DENND4A: variants seen among roughly 807,000 people sequenced by gnomAD.
The protein encoded by DENND4A is DENN domain containing 4A.
DENND4A carries 70 observed loss-of-function variants against 199.3 expected under a neutral mutation model. The observed-to-expected ratio is 0.35, with a 90% CI of 0.29 to 0.43. The LOEUF (loss-of-function observed/expected upper bound fraction) is 0.43, where lower values mean the gene tolerates loss of function less well. Among genes scored for constraint, DENND4A ranks in the 20% least tolerant of loss-of-function variants. DENND4A has a pLI of 1.00. For synonymous variants in DENND4A, 686 were observed against 766.9 expected (o/e 0.89, Z 1.74); for missense variants, 1,723 against 2,255.8 (o/e 0.76, Z 4.78).
chr15:65,704,530 G>A lies in DENND4A; in HGVS notation c.2088-1522C>T, dbSNP rs1280182051. ...TGGGACCACAGGTGTGCAGCACCACGCCCAGCTATTTTTAAAAAATTATTT... is the reference window on the plus strand; with the variant it reads ...TGGGACCACAGGTGTGCAGCACCACACCCAGCTATTTTTAAAAAATTATTT... On this transcript the variant is annotated intron_variant, in intron 15 of 32. Coordinates refer to ENST00000443035, the MANE Select transcript of DENND4A (RefSeq NM_001320835.1). 2.0e-5 allele frequency among the ~76,000 whole-genome samples: 3 copies of A among 151,988 alleles called. 1 individual carries two copies. Among genetic ancestry groups the A allele is most frequent in the East Asian group, 3.9e-4 (2 of 5,176 alleles).
At chr15:65,735,135 C>T (rs1033293894) in intron 7 of DENND4A, among the ~76,000 whole-genome samples, 1 of 151,696 alleles carries the variant, frequency 6.6e-6, no homozygotes, top group Non-Finnish European at 1.5e-5. Context: ...CTCAGCACTT[C>T]GGGAGGCCAA....
chr15:65,696,506 A>G lies in DENND4A; in HGVS notation c.2951-9T>C. ...ACTCTCACTCTCTGACACTGTAAAG[A>G]TGAAAATGAAAATGTTAATAAAATG... On this transcript the variant is annotated splice_polypyrimidine_tract_variant and intron_variant, in intron 21 of 32. Coordinates refer to ENST00000443035, the MANE Select transcript of DENND4A (RefSeq NM_001320835.1). The G allele has an allele frequency of 6.3e-7, 1 of 1,596,736 alleles. No homozygotes were observed. Among genetic ancestry groups the G allele is most frequent in the Non-Finnish European group, 8.6e-7 (1 of 1,167,866 alleles).
rs1019265140 is a variant in DENND4A at position 65,676,435 on chromosome 15, T to C, written c.4369+10A>G. On this transcript the variant is annotated intron_variant, in intron 24 of 32. Transcript: ENST00000443035. ...ATCAAATGCAGTATGACAGAACTGTTTGGACAAACCTTCCAAGGATGCAGA... is the reference window on the plus strand; with the variant it reads ...ATCAAATGCAGTATGACAGAACTGTCTGGACAAACCTTCCAAGGATGCAGA... 4.4e-6 allele frequency: 7 copies of C among 1,588,358 alleles called. No homozygotes were observed. The Admixed American group carries it at 6.9e-5, about 16-fold the overall frequency.
chr15:65,700,348 TTTTA>T (rs1290778340), intron 20 of DENND4A, among the ~76,000 whole-genome samples, 192 bp downstream of exon 20: 1 of 152,098 alleles, frequency 6.6e-6, no homozygotes, highest in Non-Finnish European at 1.5e-5. Context: ...CTCTTAAAAC[TTTTA>T]TTTCTATTCA....
At chr15:65,779,600 C>CTGCTTGGCCTCCCAAAGCACTGGGATTA in intron 1 of DENND4A, among the ~76,000 whole-genome samples, 1 of 152,186 alleles carries the variant, frequency 6.6e-6, no homozygotes, top group South Asian at 2.1e-4. Context: ...AGTGATCCTC[C>CTGCTTGGCCTCCCAAAGCACTGGGATTA]CACCTCAGCC....
In DENND4A at chr15:65,701,081, G is replaced by C. The variant is rs371436194; in HGVS notation, c.2671C>G (p.His891Asp). 9 of 1,608,528 alleles carry C rather than the reference G, an allele frequency of 5.6e-6. No individual in the cohort carries two copies. The highest frequency in any genetic ancestry group is 8.5e-7 in the Non-Finnish European group (1 of 1,178,472). The change falls in exon 19 of 33, where the codon CAT becomes GAT. Residue 891 changes from histidine (H) to aspartate (D), a missense_variant. Physicochemically the swap from His to Asp is moderately conservative, Grantham distance 81. Transcript: ENST00000443035. ...VTQFKRALKK[H>D]AHLSQTTLSA... Reference sequence around the variant, plus strand: ...AGAGTTGTTTGTGATAAGTGTGCATGCTTCTTTAAAGCTCTTTTGAACTGT... The same window carrying C: ...AGAGTTGTTTGTGATAAGTGTGCATCCTTCTTTAAAGCTCTTTTGAACTGT...
chr15:65,662,031 T>A, intron 32 of DENND4A, 44 bp from the exon 33 acceptor site: 1 of 1,532,194 alleles, frequency 6.5e-7, no homozygotes, highest in Non-Finnish European at 8.8e-7. Flanking sequence ...GAAATTTAGG[T>A]CTGATGTTGA....
At chr15:65,767,405 A>G (rs1277913461) in intron 1 of DENND4A, 1 of 152,180 alleles carries the variant, frequency 6.6e-6, no homozygotes, top group African/African-American at 2.4e-5. Flanking sequence ...CTAGAACAGT[A>G]CCTGGCAAAT....
chr15:65,773,926 G>T (rs1729886185), intron 1 of DENND4A, among the ~76,000 whole-genome samples: 1 of 152,144 alleles, frequency 6.6e-6, no homozygotes, highest in Non-Finnish European at 1.5e-5. Context: ...TGAATGAGTG[G>T]ATAAAGGAAT....
intron 14 of DENND4A, among the ~76,000 whole-genome samples, chr15:65,712,332 C>G (rs2075275449): frequency 6.6e-6 from 1 of 152,076 alleles, no homozygotes. Context: ...ACCAAATGAA[C>G]CATTAATCTA....
chr15:65,735,018 G>A (rs943329567), intron 7 of DENND4A, among the ~76,000 whole-genome samples: 1 of 152,186 alleles, frequency 6.6e-6, no homozygotes, highest in Non-Finnish European at 1.5e-5. Flanking sequence ...AGGAGGTCCA[G>A]GCTGCAGTTA....
chr15:65,715,701 C>A, intron 13 of DENND4A, 78 bp from the exon 14 acceptor site: 1 of 1,386,218 alleles, frequency 7.2e-7, no homozygotes, highest in Non-Finnish European at 9.6e-7. Flanking sequence ...TAGAAAGAAT[C>A]TGAACAACCA....
At chr15:65,728,580 T>C (rs778530647) in intron 11 of DENND4A, among the ~76,000 whole-genome samples, 2 of 151,642 alleles carry the variant, frequency 1.3e-5, no homozygotes, top group Non-Finnish European at 2.9e-5. Context: ...ACCTCCCGGG[T>C]TGAAGCAATT....
intron 23 of DENND4A, among the ~76,000 whole-genome samples, chr15:65,689,242 T>C (rs1306413996): frequency 6.6e-6 from 1 of 152,208 alleles, no homozygotes; most frequent in Non-Finnish European, 1.5e-5. Flanking sequence ...CCTTTTCCTT[T>C]ATATTCTTGA....
At chr15:65,674,984 T>C (rs533006665) in intron 24 of DENND4A, among the ~76,000 whole-genome samples, 7 of 152,320 alleles carry the variant, frequency 4.6e-5, no homozygotes, top group Non-Finnish European at 7.4e-5. Flanking sequence ...GGGTTCATAA[T>C]GCTATTCCTT....
intron 2 of DENND4A, among the ~76,000 whole-genome samples, chr15:65,758,718 T>A (rs1333215404): frequency 6.6e-6 from 1 of 152,194 alleles, no homozygotes; most frequent in Non-Finnish European, 1.5e-5. Context: ...AGAGTTTGTT[T>A]CATGTTAGAC....
At position 65,690,685 on chromosome 15, in the gene DENND4A, T is replaced by C. The variant is rs2076941077; in HGVS notation, c.3909A>G (p.Pro1303=). 1 of 1,613,784 alleles carries C rather than the reference T, an allele frequency of 6.2e-7. No homozygotes were observed. Among genetic ancestry groups the C allele is most frequent in the African/African-American group, 1.3e-5 (1 of 75,032 alleles). The change falls in exon 23 of 33, where the codon CCA becomes CCG. Residue 1303 remains proline (P), a synonymous_variant. Coordinates refer to ENST00000443035, the MANE Select transcript of DENND4A (RefSeq NM_001320835.1). ...AACTTTTAGATTTGGTAAGTCTCAC[T>C]GGCTTAGGAGAATTAGGAGGCAGAC... The part of the protein sequence containing the change: ...RSSLPPNSPK[P]VRLTKSKSYT...
At chr15:65,703,951 A>G (rs1465988627) in intron 15 of DENND4A, among the ~76,000 whole-genome samples, 3 of 152,232 alleles carry the variant, frequency 2.0e-5, no homozygotes, top group African/African-American at 7.2e-5. Context: ...ACTATGTAAT[A>G]TTTTCTTAAA....
At chr15:65,685,719 T>C (rs1319314383) in intron 23 of DENND4A, among the ~76,000 whole-genome samples, 1 of 152,386 alleles carries the variant, frequency 6.6e-6, no homozygotes, top group East Asian at 1.9e-4. Context: ...AACTTGCAGA[T>C]ACAGAAGTCT....
Sources: allele counts gnomAD v4.1 joint callset (sites outside exome capture counted in the v4.1 genomes callset), GRCh38; gene constraint gnomAD v4.1.1; transcripts MANE v1.5; gene names NCBI Gene and HGNC (gene_info 2026-07-23, HGNC 2026-07-21).